Variants in NLRP11 observed in about 807,000 individuals in gnomAD.
The protein encoded by NLRP11 is NLR family pyrin domain containing 11.
A neutral mutation model predicts 79.3 loss-of-function variants in NLRP11; 53 were observed. The observed-to-expected ratio is 0.67, with a 90% CI of 0.54 to 0.84. The LOEUF (loss-of-function observed/expected upper bound fraction) is 0.84, where lower values mean the gene tolerates loss of function less well. NLRP11 is among the 40% of genes least tolerant of loss of function. The probability of loss-of-function intolerance (pLI) is 0.00; values close to 1 mark genes in which losing one functional copy is unlikely to be tolerated. For synonymous variants in NLRP11, 518 were observed against 462.6 expected, an observed-to-expected ratio of 1.12 and a Z score of -1.54; for missense variants, 1,264 against 1,255.0, an observed-to-expected ratio of 1.01 and a Z score of -0.11.
At chr19:55,804,390 C>T (rs1490053158) in intron 4 of NLRP11, among the ~76,000 whole-genome samples, 4 of 151,660 alleles carry the variant, frequency 2.6e-5, no homozygotes, top group Non-Finnish European at 5.9e-5. Context: ...ATTGGATAAA[C>T]GTGATACATA....
chr19:55,830,211 A>G (rs1427177807), intron 1 of NLRP11, among the ~76,000 whole-genome samples: 2 of 152,112 alleles, frequency 1.3e-5, no homozygotes, highest in Non-Finnish European at 2.9e-5. Context: ...GGGATTAGTA[A>G]GTTAAGCCTC....
intron 1 of NLRP11, among the ~76,000 whole-genome samples, chr19:55,819,264 A>G (rs1981454964): frequency 6.6e-6 from 1 of 151,528 alleles, no homozygotes; most frequent in African/African-American, 2.4e-5. Flanking sequence ...GGACCCACAC[A>G]CTGTAGCCCC....
At chr19:55,835,471 C>T (rs898318327), upstream of NLRP11, among the ~76,000 whole-genome samples, 1 of 152,114 alleles carries the variant, frequency 6.6e-6, no homozygotes, top group Non-Finnish European at 1.5e-5. Context: ...GAGGCCGAGG[C>T]GGGCAGATCA....
In NLRP11 at chr19:55,809,536, G is replaced by A. The variant is rs1310923573; in HGVS notation, c.1074C>T (p.Asp358=). ...TGGGTGTTTGGCAGCAGAGCTGGAA[G>A]TCACGCCCCTTGTCCATCTGCCGCT... The change falls in exon 3 of 10, where the codon GAC becomes GAT. Residue 358 remains aspartate (D), a synonymous_variant. Coordinates refer to ENST00000589093, the Ensembl canonical transcript of NLRP11. The surrounding 1 kb of genome is among the most constrained non-coding windows in gnomAD (Gnocchi z 4.5). 6.2e-7 allele frequency: 1 copy of A among 1,614,208 alleles called. No individual in the cohort carries two copies. The highest frequency in any genetic ancestry group is 1.7e-5 in the Admixed American group (1 of 60,030).
upstream of NLRP11, among the ~76,000 whole-genome samples, chr19:55,835,808 C>T (rs1222772854): frequency 1.5e-5 from 2 of 132,322 alleles, no homozygotes; most frequent in South Asian, 4.9e-4. Context: ...CATGGTGAAA[C>T]CCTGTCTCTA....
intron 1 of NLRP11, among the ~76,000 whole-genome samples, chr19:55,821,221 A>T (rs1981678435): frequency 9.9e-6 from 1 of 100,636 alleles, no homozygotes; most frequent in Non-Finnish European, 1.8e-5. Flanking sequence ...ACACACACAC[A>T]CACACACACA....
intron 4 of NLRP11, among the ~76,000 whole-genome samples, chr19:55,807,085 T>C (rs1980071574): frequency 6.6e-6 from 1 of 152,194 alleles, no homozygotes; most frequent in South Asian, 2.1e-4. Flanking sequence ...TCTGCCTATA[T>C]TCTGTCTCAT....
intron 4 of NLRP11, among the ~76,000 whole-genome samples, chr19:55,806,122 C>A (rs149096949): frequency 6.6e-6 from 1 of 152,220 alleles, no homozygotes; most frequent in African/African-American, 2.4e-5. Flanking sequence ...GCTTTTCTCC[C>A]CAATCACTTT....
chr19:55,830,179 C>G (rs986744467), intron 1 of NLRP11, among the ~76,000 whole-genome samples: 1 of 152,106 alleles, frequency 6.6e-6, no homozygotes, highest in Non-Finnish European at 1.5e-5. Context: ...TTTTTCCCCC[C>G]TAAGTGAACA....
chr19:55,816,659 A>C (rs1981143548), intron 2 of NLRP11, among the ~76,000 whole-genome samples: 1 of 152,076 alleles, frequency 6.6e-6, no homozygotes, highest in Admixed American at 6.5e-5. Context: ...TTATGGTAGG[A>C]GCGTACCCGG....
At chr19:55,808,684 T>A in intron 3 of NLRP11, 85 bp downstream of exon 3, 2 of 1,264,764 alleles carry the variant, frequency 1.6e-6, no homozygotes, top group Non-Finnish European at 1.1e-6. Flanking sequence ...TGGCCCCGAG[T>A]TTGTCTTGTT....
exon 6 of NLRP11, chr19:55,796,166 GGTC>G (rs1273310547): frequency 6.2e-7 from 1 of 1,613,932 alleles, no homozygotes; most frequent in Non-Finnish European, 8.5e-7. Context: ...TGCTGGATAA[GGTC>G]AGTTTTCTCA....
At chr19:55,799,610 T>A (rs557436792) in intron 5 of NLRP11, among the ~76,000 whole-genome samples, 6 of 151,922 alleles carry the variant, frequency 3.9e-5, no homozygotes, top group Non-Finnish European at 5.9e-5. Flanking sequence ...GCAACAGAGT[T>A]GGGATTTAGC....
intron 7 of NLRP11, 70 bp from the exon 8 acceptor site, chr19:55,789,469 G>A: frequency 7.0e-7 from 1 of 1,420,614 alleles, no homozygotes; most frequent in South Asian, 1.3e-5. Context: ...AGAGTGTTAA[G>A]CATTCTTGGA....
At chr19:55,804,288 A>T (rs937448658) in intron 4 of NLRP11, among the ~76,000 whole-genome samples, 2 of 152,262 alleles carry the variant, frequency 1.3e-5, no homozygotes, top group African/African-American at 4.8e-5. Flanking sequence ...AATACAAGTT[A>T]TTCTACCAAA....
exon 5 of NLRP11, chr19:55,801,583 T>A: frequency 6.2e-7 from 1 of 1,614,048 alleles, no homozygotes; most frequent in Non-Finnish European, 8.5e-7. Flanking sequence ...TCAGATGACT[T>A]ATTTGGCATG....
chr19:55,799,683 C>T (rs1157986351), intron 5 of NLRP11, among the ~76,000 whole-genome samples: 1 of 152,072 alleles, frequency 6.6e-6, no homozygotes, highest in Non-Finnish European at 1.5e-5. Flanking sequence ...TCTCAAGAAC[C>T]ATGGAATTTG....
chr19:55,808,959 CAT>C lies in NLRP11; in HGVS notation c.1649_1650del (p.Tyr550Ter). ...TTCACAAATTCTTCTTCCCGATTCT[CAT>C]AGAGACAGTAAAACAAAGGCATATG... On this transcript the variant is annotated frameshift_variant, in exon 3 of 10. Coordinates refer to ENST00000589093, the Ensembl canonical transcript of NLRP11. LOFTEE classifies it high-confidence loss of function. The C allele has an allele frequency of 1.2e-6, 2 of 1,614,122 alleles. No individual in the cohort carries two copies. Among genetic ancestry groups the C allele is most frequent in the South Asian group, 1.1e-5 (1 of 91,076 alleles).
At chr19:55,820,560 G>A (rs1164437770) in intron 1 of NLRP11, among the ~76,000 whole-genome samples, 2 of 152,092 alleles carry the variant, frequency 1.3e-5, no homozygotes, top group East Asian at 3.9e-4. Context: ...AACCTAAGCT[G>A]GACTTCGGAG....
Sources: gnomAD v4.1 joint callset for allele counts (sites outside exome capture counted in the v4.1 genomes callset) on GRCh38, gnomAD v4.1.1 for gene constraint, Gnocchi (gnomAD v3.1) non-coding constraint, MANE v1.5 for transcripts, NCBI Gene and HGNC (gene_info 2026-07-23, HGNC 2026-07-21) for gene names.